Variants in LGR5 observed in about 807,000 individuals in gnomAD.
The protein encoded by LGR5 is leucine rich repeat containing G protein-coupled receptor 5, also known as leucine-rich repeat-containing G protein-coupled receptor 5.
Under a neutral mutation model 76.7 loss-of-function variants are expected in LGR5, and 54 were observed. The observed-to-expected ratio is 0.70, with a 90% CI of 0.57 to 0.88. LGR5 has a LOEUF of 0.88. LGR5 is among the 40% of genes least tolerant of loss of function. LGR5 has a pLI of 0.00. For missense variants in LGR5, 1,078 were observed against 1,073.3 expected, an observed-to-expected ratio of 1.00 and a Z score of -0.06; for synonymous variants, 406 against 421.9, an observed-to-expected ratio of 0.96 and a Z score of 0.46.
At chr12:71,510,147 C>T (rs893996078) in intron 2 of LGR5, among the ~76,000 whole-genome samples, 10 of 152,116 alleles carry the variant, frequency 6.6e-5, no homozygotes, top group African/African-American at 2.2e-4. Flanking sequence ...AAAATGAAAA[C>T]ATCTTCATGC....
chr12:71,499,997 G>T (rs1874520356), intron 1 of LGR5, among the ~76,000 whole-genome samples: 1 of 152,078 alleles, frequency 6.6e-6, no homozygotes, highest in African/African-American at 2.4e-5. Context: ...AAGAAAAGGG[G>T]CCAGATCCGG....
chr12:71,524,512 AT>A (rs1193926109), intron 3 of LGR5, 35 bp downstream of exon 3: 1 of 1,459,586 alleles, frequency 6.9e-7, no homozygotes, highest in Non-Finnish European at 9.6e-7. Flanking sequence ...TATATTTCTG[AT>A]TTTAGTGTCA....
chr12:71,463,902 T>C (rs1307629378), intron 1 of LGR5, among the ~76,000 whole-genome samples: 1 of 152,054 alleles, frequency 6.6e-6, no homozygotes, highest in Admixed American at 6.6e-5. Context: ...AAGGTCTTGA[T>C]CCTGCCTGAC....
chr12:71,580,719 A>G (rs1034034400), intron 16 of LGR5, among the ~76,000 whole-genome samples: 5 of 152,056 alleles, frequency 3.3e-5, no homozygotes, highest in African/African-American at 1.2e-4. Flanking sequence ...AATCGCTTCA[A>G]CCCGGGAGGC....
chr12:71,583,931 G>C lies in LGR5; in HGVS notation c.1921G>C (p.Gly641Arg). ...GAATGGGGTTGGTTGCCATGTCATT[G>C]GTTTTTTGTCCATTTTTGCTTCAGA... ...WENGVGCHVI[G>R]FLSIFASESS... Residue 641 changes from glycine (G) to arginine (R), a missense_variant, in exon 18 of 18, where the codon GGT becomes CGT. Physicochemically the swap from Gly to Arg is moderately radical, Grantham distance 125. Transcript: ENST00000266674. The C allele has an allele frequency of 6.2e-7, 1 of 1,614,106 alleles. No individual in the cohort carries two copies. Among genetic ancestry groups the C allele is most frequent in the Non-Finnish European group, 8.5e-7 (1 of 1,179,994 alleles).
intron 4 of LGR5, among the ~76,000 whole-genome samples, chr12:71,539,066 T>C (rs1876744479): frequency 6.6e-6 from 1 of 152,204 alleles, no homozygotes; most frequent in African/African-American, 2.4e-5. Context: ...TATTCAGATT[T>C]GTTCTGTGGG....
chr12:71,455,684 G>C (rs560847634), intron 1 of LGR5, among the ~76,000 whole-genome samples: 88 of 152,236 alleles, frequency 5.8e-4, no homozygotes, highest in Non-Finnish European at 1.1e-3. Context: ...TAGCAGGCTT[G>C]ACTAATTCCC....
At chr12:71,454,776 AAC>A (rs35219754) in intron 1 of LGR5, among the ~76,000 whole-genome samples, 23,852 of 146,150 alleles carry the variant, frequency 0.16, 3,330 homozygotes, top group African/African-American at 0.39. Flanking sequence ...CATAGACACA[AAC>A]ACACACACAC....
chr12:71,562,035 G>T (rs1192404317), intron 8 of LGR5, among the ~76,000 whole-genome samples, 183 bp downstream of exon 8: 8 of 152,114 alleles, frequency 5.3e-5, no homozygotes, highest in Non-Finnish European at 1.0e-4. Flanking sequence ...TAATATAAAA[G>T]ATTTTTTTAA....
chr12:71,569,204 C>G (rs1878488229), intron 11 of LGR5, among the ~76,000 whole-genome samples: 3 of 152,150 alleles, frequency 2.0e-5, no homozygotes. Flanking sequence ...AATATAAAAA[C>G]CCTAGAAGAA....
intron 11 of LGR5, among the ~76,000 whole-genome samples, chr12:71,567,913 T>C (rs989202919): frequency 6.6e-6 from 1 of 152,146 alleles, no homozygotes; most frequent in African/African-American, 2.4e-5. Context: ...AGAATTTAAT[T>C]TGTTAAAATC....
chr12:71,581,043 A>C lies in LGR5; in HGVS notation c.1552+620A>C, dbSNP rs527525486. On this transcript the variant is annotated intron_variant, in intron 16 of 17. Transcript: ENST00000266674. ...GGGTGATTACTGACATGATGTTTCC[A>C]TCAGCTTTTTAAAGGGTCTGTTTCT... is the stretch of plus-strand genomic sequence containing the variant. 1.3e-4 allele frequency among the ~76,000 whole-genome samples: 20 copies of C among 152,288 alleles called. No individual in the cohort carries two copies. The South Asian group carries it at 4.2e-3, about 32-fold the overall frequency.
At chr12:71,470,346 T>A (rs1873044723) in intron 1 of LGR5, among the ~76,000 whole-genome samples, 1 of 152,210 alleles carries the variant, frequency 6.6e-6, no homozygotes, top group African/African-American at 2.4e-5. Context: ...ACTAGGAATA[T>A]AACTAGAATT....
intron 2 of LGR5, among the ~76,000 whole-genome samples, chr12:71,516,663 A>C (rs952739273): frequency 3.3e-5 from 5 of 152,344 alleles, no homozygotes; most frequent in African/African-American, 1.2e-4. Context: ...TAAAGATTCA[A>C]ATTACTTTAA....
At chr12:71,523,850 T>A (rs1220399391) in intron 2 of LGR5, among the ~76,000 whole-genome samples, 1 of 152,204 alleles carries the variant, frequency 6.6e-6, no homozygotes, top group Non-Finnish European at 1.5e-5. Flanking sequence ...TGTTTTCAAT[T>A]TTTTTAAGCA....
intron 3 of LGR5, among the ~76,000 whole-genome samples, chr12:71,526,806 A>G (rs1565721624): frequency 6.6e-6 from 1 of 152,164 alleles, no homozygotes; most frequent in Non-Finnish European, 1.5e-5. Context: ...AGGCTTTCCC[A>G]GAGATGACCC....
chr12:71,506,519 G>A (rs748230508), intron 2 of LGR5, among the ~76,000 whole-genome samples: 2 of 152,058 alleles, frequency 1.3e-5, no homozygotes, highest in Non-Finnish European at 2.9e-5. Flanking sequence ...TGTTTGCGGA[G>A]AGAACTACCA....
chr12:71,484,587 A>G (rs1213659820), intron 1 of LGR5, among the ~76,000 whole-genome samples: 1 of 152,110 alleles, frequency 6.6e-6, no homozygotes, highest in African/African-American at 2.4e-5. Flanking sequence ...TTTGTGCCCG[A>G]GGTTACAGGC....
intron 4 of LGR5, among the ~76,000 whole-genome samples, chr12:71,544,278 C>A (rs1031254640): frequency 1.1e-5 from 1 of 91,410 alleles, no homozygotes; most frequent in Admixed American, 1.0e-4. Flanking sequence ...TTTTCTTTGT[C>A]TTTTTTTTTT....
Sources: gnomAD v4.1 joint callset for allele counts (sites outside exome capture counted in the v4.1 genomes callset) on GRCh38, gnomAD v4.1.1 for gene constraint, MANE v1.5 for transcripts, NCBI Gene and HGNC (gene_info 2026-07-23, HGNC 2026-07-21) for gene names.